PCBD1: variants seen among roughly 807,000 people sequenced by gnomAD.
The protein encoded by PCBD1 is pterin-4 alpha-carbinolamine dehydratase 1.
Under a neutral mutation model 12.6 loss-of-function variants are expected in PCBD1, and 16 were observed. The ratio of observed to expected loss-of-function variants is 1.27; its 90% confidence interval spans 0.86 to 1.93. The LOEUF (loss-of-function observed/expected upper bound fraction) is 1.93. PCBD1 is among the 30% of genes most tolerant of loss of function. PCBD1 has a pLI of 0.00. For synonymous variants in PCBD1, 53 were observed against 50.2 expected (o/e 1.05, Z -0.23); for missense variants, 86 against 130.1 (o/e 0.66, Z 1.65).
In PCBD1 at chr10:70,886,240, C is replaced by T. The variant is rs563570633; in HGVS notation, c.4-311G>A. 3.9e-5 allele frequency among the ~76,000 whole-genome samples: 6 copies of T among 152,304 alleles called. No homozygotes were observed. In the South Asian group the frequency reaches 8.3e-4, roughly 21 times the overall value. On this transcript the variant is annotated intron_variant, in intron 1 of 3. Coordinates refer to ENST00000299299, the MANE Select transcript of PCBD1 (RefSeq NM_000281.4). ...AGAGAAGCACTCTTCCCCCACCCTGCCCTCAAAGCCTTACGGACCTTCCCT... is the reference window on the plus strand; with the variant it reads ...AGAGAAGCACTCTTCCCCCACCCTGTCCTCAAAGCCTTACGGACCTTCCCT...
rs940135259 is a variant in PCBD1, at chr10:70,883,673, CATT to C, written c.*274_*276del. 9.5e-5 allele frequency: 125 copies of C among 1,321,504 alleles called. No homozygotes were observed. Among genetic ancestry groups the C allele is most frequent in the Non-Finnish European group, 1.2e-4 (123 of 1,028,450 alleles). The allele number at this position is 1,321,504 out of a possible 1,614,324, so 81.9% of individuals were successfully genotyped here. ...GCAAGAGACGGCCTGGCAAGAAAATCATTATTGTTGCTGGGAAGTTGCAAAGAA... is the reference window on the plus strand; with the variant it reads ...GCAAGAGACGGCCTGGCAAGAAAATCATTGTTGCTGGGAAGTTGCAAAGAA... On this transcript the variant is annotated 3_prime_UTR_variant, in exon 4 of 4. Coordinates refer to ENST00000299299, the MANE Select transcript of PCBD1 (RefSeq NM_000281.4).
chr10:70,883,830 C>T lies in PCBD1; in HGVS notation c.*120G>A, dbSNP rs1429320050. The T allele has an allele frequency of 2.5e-5, 38 of 1,536,172 alleles. No homozygotes were observed. Among genetic ancestry groups the T allele is most frequent in the South Asian group, 1.6e-4 (13 of 83,348 alleles). On this transcript the variant is annotated 3_prime_UTR_variant, in exon 4 of 4. Coordinates refer to ENST00000299299, the MANE Select transcript of PCBD1 (RefSeq NM_000281.4). Reference sequence around the variant, plus strand: ...CCCACAGCAAGGACTCAGCCCTCAACGGCGGCGGCTGGGTCTTGGGAGGGG... The same window carrying T: ...CCCACAGCAAGGACTCAGCCCTCAATGGCGGCGGCTGGGTCTTGGGAGGGG...
In PCBD1 at chr10:70,883,708, G is replaced by A. The variant is rs567124684; in HGVS notation, c.*242C>T. The A allele has an allele frequency of 1.7e-5, 24 of 1,380,914 alleles. No individual in the cohort carries two copies. The highest frequency in any genetic ancestry group is 2.1e-5 in the Non-Finnish European group (22 of 1,065,280). The allele number at this position is 1,380,914 out of a possible 1,614,324, so 85.5% of individuals were successfully genotyped here. A position where few individuals can be genotyped will look rare whatever the true frequency, so the allele number is the denominator to read the frequency against. On this transcript the variant is annotated 3_prime_UTR_variant, in exon 4 of 4. Transcript: ENST00000299299. Reference sequence around the variant, plus strand: ...GCTGGGAAGTTGCAAAGAAAGGGGAGAGTTTATTCAAATTAGTGTAACAGA... The same window carrying A: ...GCTGGGAAGTTGCAAAGAAAGGGGAAAGTTTATTCAAATTAGTGTAACAGA...
At chr10:70,888,393 G>A in intron 1 of PCBD1, 138 bp downstream of exon 1, 2 of 980,318 alleles carry the variant, frequency 2.0e-6, no homozygotes, top group South Asian at 1.9e-5. Flanking sequence ...AGAGAGCCGG[G>A]CAGAGACCCC....
At chr10:70,886,771 G>A (rs1337481267) in intron 1 of PCBD1, among the ~76,000 whole-genome samples, 1 of 152,206 alleles carries the variant, frequency 6.6e-6, no homozygotes, top group Non-Finnish European at 1.5e-5. Context: ...GGCAAACCTA[G>A]TGCCCCATCC....
chr10:70,884,668 G>A (rs1261332284), intron 3 of PCBD1, among the ~76,000 whole-genome samples: 1 of 151,940 alleles, frequency 6.6e-6, no homozygotes, highest in Non-Finnish European at 1.5e-5. Context: ...GTTTTTAGTA[G>A]AGACAGGGTT....
chr10:70,885,077 A>G (rs1846560177), intron 3 of PCBD1, 75 bp downstream of exon 3: 2 of 1,228,484 alleles, frequency 1.6e-6, no homozygotes, highest in East Asian at 4.6e-5. Context: ...TAAGTCCAAA[A>G]GCCTTCAGAA....
chr10:70,884,158 G>C (rs2131966007), intron 3 of PCBD1, 110 bp from the exon 4 acceptor site: 1 of 1,065,790 alleles, frequency 9.4e-7, no homozygotes, highest in Non-Finnish European at 1.4e-6. Flanking sequence ...CAGCTGGCCA[G>C]TACGATCTCT....
At position 70,883,918 on chromosome 10, in the gene PCBD1, C is replaced by A; in HGVS notation, c.*32G>T. On this transcript the variant is annotated 3_prime_UTR_variant, in exon 4 of 4. Transcript: ENST00000299299. The stretch of plus-strand genomic sequence containing the variant: ...GGACTCCCAGTTCAGTCACCCCTTC[C>A]CCCGGAAGAATTCAAAGAGGAAGGG... The A allele has an allele frequency of 1.9e-6, 3 of 1,603,562 alleles. No homozygotes were observed. The highest frequency in any genetic ancestry group is 2.6e-6 in the Non-Finnish European group (3 of 1,174,644).
At chr10:70,884,569 C>A (rs1846553219) in intron 3 of PCBD1, among the ~76,000 whole-genome samples, 1 of 150,012 alleles carries the variant, frequency 6.7e-6, no homozygotes, top group East Asian at 2.0e-4. Context: ...GCAAGCTCCG[C>A]CTCCCGGGTT....
In PCBD1 at chr10:70,888,377, A is replaced by G. The variant is rs827238; in HGVS notation, c.3+154T>C. 1 allele frequency: 844,370 copies of G among 845,294 alleles called. 421,731 individuals are homozygous for G. Among genetic ancestry groups the G allele is most frequent in the Non-Finnish European group, 1 (615,513 of 615,530 alleles). 52.4% of individuals were successfully genotyped at this position (845,294 alleles called of 1,614,324 possible). A position where few individuals can be genotyped will look rare whatever the true frequency, so the allele number is the denominator to read the frequency against. Reference sequence around the variant, plus strand: ...GCTTCAGCTTCCCCTCCCCGCCGCCAGCGACAGAGAGCCGGGCAGAGACCC... The same window carrying G: ...GCTTCAGCTTCCCCTCCCCGCCGCCGGCGACAGAGAGCCGGGCAGAGACCC... On this transcript the variant is annotated intron_variant, in intron 1 of 3. Coordinates refer to ENST00000299299, the MANE Select transcript of PCBD1 (RefSeq NM_000281.4).
chr10:70,884,096 A>G (rs1846544168), intron 3 of PCBD1, 48 bp from the exon 4 acceptor site: 5 of 1,589,684 alleles, frequency 3.1e-6, no homozygotes, highest in Non-Finnish European at 4.3e-6. Context: ...ACTTAAGAAC[A>G]GGAGGGAGTC....
chr10:70,885,809 C>T lies in PCBD1; in HGVS notation c.124G>A (p.Asp42Asn). ...CCCTGGTGCCATACCCTGTTGAAGT[C>T]TTTGAAATGAAACTGCTTGAAGATG... ...DAIFKQFHFK[D>N]FNRAFGFMTR... Residue 42 changes from aspartate (D) to asparagine (N), a missense_variant, in exon 2 of 4, where the codon GAC becomes AAC. By Grantham distance (23) the Asp-to-Asn change is conservative. Coordinates refer to ENST00000299299, the MANE Select transcript of PCBD1 (RefSeq NM_000281.4). The T allele has an allele frequency of 6.2e-7, 1 of 1,614,084 alleles. No homozygotes were observed. The highest frequency in any genetic ancestry group is 8.5e-7 in the Non-Finnish European group (1 of 1,180,010).
chr10:70,888,488 C>T (rs1176499747), intron 1 of PCBD1, 43 bp downstream of exon 1: 4 of 1,455,044 alleles, frequency 2.7e-6, no homozygotes, highest in South Asian at 2.7e-5. Context: ...GCGGCTGCCC[C>T]GGCCCCGCTG....
At chr10:70,882,468 G>A (rs1349931277), downstream of PCBD1, 1 of 152,218 alleles carries the variant, frequency 6.6e-6, no homozygotes, top group Non-Finnish European at 1.5e-5. Context: ...GCACACCGGA[G>A]GCTTGTAGCC....
At position 70,885,145 on chromosome 10, in the gene PCBD1, C is replaced by T; in HGVS notation, c.216+7G>A. On this transcript the variant is annotated splice_region_variant and intron_variant, in intron 3 of 3. Coordinates refer to ENST00000299299, the MANE Select transcript of PCBD1 (RefSeq NM_000281.4). ...AGAGCACAACAGAGGCACACAGCAT[C>T]ACTCACCTTGTTGTACACGTTAAAC... The T allele has an allele frequency of 6.2e-7, 1 of 1,610,706 alleles. No homozygotes were observed. Among genetic ancestry groups the T allele is most frequent in the Non-Finnish European group, 8.5e-7 (1 of 1,177,404 alleles).
At chr10:70,885,958 A>G in intron 1 of PCBD1, 29 bp from the exon 2 acceptor site, 2 of 1,611,810 alleles carry the variant, frequency 1.2e-6, no homozygotes, top group South Asian at 1.1e-5. Context: ...CAGAGGCCCA[A>G]GGGCATTTCT....
chr10:70,885,875 G>A lies in PCBD1; in HGVS notation c.58C>T (p.Leu20=), dbSNP rs1846574399. ...AEERDQLLPN[L]RAVGWNELEG... ...AGCTCATTCCACCCCACAGCCCTCA[G>A]GTTTGGCAGCAGCTGGTCCCTCTCC... Residue 20 remains leucine, a synonymous_variant, in exon 2 of 4, where the codon CTG becomes TTG. Coordinates refer to ENST00000299299, the MANE Select transcript of PCBD1 (RefSeq NM_000281.4). 6 of 1,614,046 alleles carry A rather than the reference G, an allele frequency of 3.7e-6. No homozygotes were observed. Among genetic ancestry groups the A allele is most frequent in the Non-Finnish European group, 5.1e-6 (6 of 1,179,974 alleles).
intron 3 of PCBD1, 103 bp downstream of exon 3, chr10:70,885,049 G>A (rs1846559829): frequency 8.8e-6 from 8 of 904,820 alleles, no homozygotes; most frequent in Admixed American, 1.7e-5. Flanking sequence ...TGACCTATGG[G>A]TCAGGAAGGC....
Sources: gnomAD v4.1 joint callset for allele counts (sites outside exome capture counted in the v4.1 genomes callset) on GRCh38, gnomAD v4.1.1 for gene constraint, MANE v1.5 for transcripts, NCBI Gene and HGNC (gene_info 2026-07-23, HGNC 2026-07-21) for gene names.